The following GMDS variants were observed in gnomAD, a reference collection of about 807,000 sequenced individuals.
The protein encoded by GMDS is GDP-mannose 4,6 dehydratase.
Under a neutral mutation model 49.9 loss-of-function variants are expected in GMDS, and 20 were observed. That is an observed-to-expected ratio of 0.40 (90% confidence interval 0.28 to 0.58). The LOEUF (loss-of-function observed/expected upper bound fraction) is 0.58. Ranked by LOEUF, GMDS falls within the 20% of genes least tolerant of loss-of-function variation. The pLI is 0.42. For missense variants in GMDS, 362 were observed against 481.4 expected, an observed-to-expected ratio of 0.75 and a Z score of 2.32; for synonymous variants, 177 against 178.6, an observed-to-expected ratio of 0.99 and a Z score of 0.07.
In GMDS at chr6:2,245,377, C is replaced by T. The variant is rs975605587; in HGVS notation, c.46G>A (p.Asp16Asn). 1.3e-6 allele frequency: 2 copies of T among 1,546,784 alleles called. No individual in the cohort carries two copies. The highest frequency in any genetic ancestry group is 1.7e-6 in the Non-Finnish European group (2 of 1,151,988). Reference sequence around the variant, plus strand: ...TTCCTGGGCTTGCCCATCTCGCCGTCCCCGGAGCCCCGGGCGCTGGGGCAG... The same window carrying T: ...TTCCTGGGCTTGCCCATCTCGCCGTTCCCGGAGCCCCGGGCGCTGGGGCAG... ...ARCPSARGSGDGEMGKPRNVA... is the reference protein window; with the variant it reads ...ARCPSARGSGNGEMGKPRNVA... The change falls in exon 1 of 11, where the codon GAC becomes AAC. Residue 16 changes from aspartate to asparagine, a missense_variant. By Grantham distance (23) the Asp-to-Asn change is conservative. Coordinates refer to ENST00000380815, the MANE Select transcript of GMDS (RefSeq NM_001500.4).
At chr6:1,662,707 A>G (rs1764118943) in intron 9 of GMDS, among the ~76,000 whole-genome samples, 1 of 152,212 alleles carries the variant, frequency 6.6e-6, no homozygotes, top group Non-Finnish European at 1.5e-5. Flanking sequence ...AATGCCTTAA[A>G]TTCTCAACAA....
intron 9 of GMDS, among the ~76,000 whole-genome samples, chr6:1,631,881 C>T (rs1763012560): frequency 6.6e-6 from 1 of 152,152 alleles, no homozygotes; most frequent in Non-Finnish European, 1.5e-5. Context: ...AAGACAATTA[C>T]TGTGATATCT....
At chr6:1,858,965 T>TC (rs559648853) in intron 7 of GMDS, among the ~76,000 whole-genome samples, 1 of 151,490 alleles carries the variant, frequency 6.6e-6, no homozygotes, top group Non-Finnish European at 1.5e-5. Context: ...TTTTGTGTTT[T>TC]GGGGGGGGCA....
chr6:1,693,789 G>C (rs1016453347), intron 9 of GMDS, among the ~76,000 whole-genome samples: 1 of 152,184 alleles, frequency 6.6e-6, no homozygotes, highest in African/African-American at 2.4e-5. Flanking sequence ...AGCAAGCACA[G>C]TTACTAGTTT....
At chr6:1,880,968 T>G (rs1370539629) in intron 7 of GMDS, among the ~76,000 whole-genome samples, 2 of 151,964 alleles carry the variant, frequency 1.3e-5, no homozygotes, top group Admixed American at 1.3e-4. Flanking sequence ...AATATTAAAG[T>G]AGAAATCCAG....
chr6:2,230,946 C>G (rs1279995526), intron 1 of GMDS, among the ~76,000 whole-genome samples: 2 of 86,670 alleles, frequency 2.3e-5, no homozygotes, highest in African/African-American at 9.3e-5. Context: ...CTCCCACCCC[C>G]CCCCCCCGTT....
rs181278170 is a variant in GMDS, at chr6:2,049,362, A to G, written c.345+66409T>C. On this transcript the variant is annotated intron_variant, in intron 4 of 10. Coordinates refer to ENST00000380815, the MANE Select transcript of GMDS (RefSeq NM_001500.4). The stretch of plus-strand genomic sequence containing the variant: ...ATGTATTGGGTATGTCCTCCATTCC[A>G]ATGTCAAATACATATGGTGTTAGAG... Among the ~76,000 whole-genome samples the G allele has an allele frequency of 2.6e-3, 398 of 152,312 alleles. 2 individuals carry two copies. Among genetic ancestry groups the G allele is most frequent in the African/African-American group, 9.4e-3 (389 of 41,564 alleles).
At chr6:2,135,720 A>G (rs1775962788) in intron 1 of GMDS, among the ~76,000 whole-genome samples, 1 of 152,194 alleles carries the variant, frequency 6.6e-6, no homozygotes, top group African/African-American at 2.4e-5. Flanking sequence ...TGTGAGCCAC[A>G]TATGTAATTT....
intron 4 of GMDS, among the ~76,000 whole-genome samples, 197 bp downstream of exon 4, chr6:2,115,574 A>G (rs186209151): frequency 4.6e-5 from 7 of 152,358 alleles, no homozygotes; most frequent in Non-Finnish European, 1.0e-4. Flanking sequence ...GTTTTATTAT[A>G]TTGTTTAATA....
In GMDS at chr6:1,672,361, C is replaced by T. The variant is rs533708070; in HGVS notation, c.988-47821G>A. Among the ~76,000 whole-genome samples the T allele has an allele frequency of 1.2e-4, 19 of 152,290 alleles. No homozygotes were observed. The South Asian group carries it at 2.9e-3, about 23-fold the overall frequency. ...CTATGATAGAAGGCTGTCCACAAGC[C>T]GCTGATTAGGGCCTCTCTGTGTGTC... On this transcript the variant is annotated intron_variant, in intron 9 of 10. Coordinates refer to ENST00000380815, the MANE Select transcript of GMDS (RefSeq NM_001500.4).
intron 1 of GMDS, among the ~76,000 whole-genome samples, chr6:2,233,203 G>A (rs774690596): frequency 1.3e-5 from 2 of 152,048 alleles, no homozygotes; most frequent in Non-Finnish European, 2.9e-5. Context: ...CAGTACTTTT[G>A]TTCTCTCTCC....
intron 1 of GMDS, among the ~76,000 whole-genome samples, chr6:2,215,954 G>A (rs1425884287): frequency 6.6e-6 from 1 of 152,100 alleles, no homozygotes; most frequent in East Asian, 1.9e-4. Context: ...ACAGTGACCA[G>A]AATTTACTGT....
chr6:1,839,917 C>A (rs1031086311), intron 7 of GMDS, among the ~76,000 whole-genome samples: 3 of 152,092 alleles, frequency 2.0e-5, no homozygotes, highest in Admixed American at 2.0e-4. Context: ...GGCTCGCAAT[C>A]GTGAAAGGAA....
chr6:2,202,132 A>G (rs1362505640), intron 1 of GMDS, among the ~76,000 whole-genome samples: 4 of 145,612 alleles, frequency 2.7e-5, no homozygotes, highest in Admixed American at 2.7e-4. Flanking sequence ...CAGTGAGGGC[A>G]GCATGTTAGC....
Position 1,635,246 on chromosome 6 carries a change from A to C in GMDS, c.988-10706T>G, listed in dbSNP as rs1264980969. On this transcript the variant is annotated intron_variant, in intron 9 of 10. Transcript: ENST00000380815. The surrounding 1 kb of genome is among the most constrained non-coding windows in gnomAD (Gnocchi z 4.7). ...GAGCAAGTCTGCTTAGCTCTGGGAA[A>C]GGGGCTCCGTTTCACATGTCCTGGC... is the stretch of plus-strand genomic sequence containing the variant. Among the ~76,000 whole-genome samples the C allele has an allele frequency of 6.6e-6, 1 of 152,184 alleles. No homozygotes were observed. Among genetic ancestry groups the C allele is most frequent in the African/African-American group, 2.4e-5 (1 of 41,440 alleles).
At position 2,043,621 on chromosome 6, in the gene GMDS, T is replaced by C. The variant is rs75974343; in HGVS notation, c.345+72150A>G. Among the ~76,000 whole-genome samples the C allele has an allele frequency of 6.6e-3, 1,007 of 152,366 alleles. 10 individuals are homozygous for C. The highest frequency in any genetic ancestry group is 0.023 in the African/African-American group (944 of 41,584). On this transcript the variant is annotated intron_variant, in intron 4 of 10. Coordinates refer to ENST00000380815, the MANE Select transcript of GMDS (RefSeq NM_001500.4). ...TTTATCTGTTTAAGTTTTTTAAATG[T>C]GGCTATTATAAAATTTGAAAGTGCA...
intron 8 of GMDS, among the ~76,000 whole-genome samples, chr6:1,731,543 A>C (rs904189393): frequency 6.6e-6 from 1 of 152,362 alleles, no homozygotes; most frequent in Non-Finnish European, 1.5e-5. Context: ...TAGGCAATGG[A>C]GTAACACCTT....
At chr6:1,852,781 G>A (rs182160545) in intron 7 of GMDS, among the ~76,000 whole-genome samples, 15 of 151,258 alleles carry the variant, frequency 9.9e-5, no homozygotes, top group African/African-American at 3.2e-4. Context: ...ATCTCGGCGC[G>A]ATGCAACCTC....
At chr6:1,850,588 T>TA (rs545191257) in intron 7 of GMDS, among the ~76,000 whole-genome samples, 1 of 151,782 alleles carries the variant, frequency 6.6e-6, no homozygotes, top group African/African-American at 2.4e-5. Flanking sequence ...AACATGAGAT[T>TA]AAAAAAAAGT....
Sources: gnomAD v4.1 joint callset for allele counts (sites outside exome capture counted in the v4.1 genomes callset) on GRCh38, gnomAD v4.1.1 for gene constraint, Gnocchi (gnomAD v3.1) non-coding constraint, MANE v1.5 for transcripts, NCBI Gene and HGNC (gene_info 2026-07-23, HGNC 2026-07-21) for gene names.